Variants in TOPAZ1 observed in about 807,000 individuals in gnomAD.
TOPAZ1 encodes testis and ovary specific TOPAZ 1.
Under a neutral mutation model 172.2 loss-of-function variants are expected in TOPAZ1, and 66 were observed. That is an observed-to-expected ratio of 0.38 (90% CI 0.31 to 0.47). The LOEUF (loss-of-function observed/expected upper bound fraction) is 0.47, where lower values mean the gene tolerates loss of function less well. TOPAZ1 is among the 20% of genes least tolerant of loss of function. The pLI, the probability that TOPAZ1 is intolerant of heterozygous loss-of-function variation, is 0.99. For synonymous variants in TOPAZ1, 681 were observed against 683.9 expected (o/e 1.00, Z 0.07); for missense variants, 1,822 against 1,972.4 (o/e 0.92, Z 1.44).
chr3:44,296,232 A>G (rs1307413345), intron 12 of TOPAZ1, among the ~76,000 whole-genome samples: 1 of 152,222 alleles, frequency 6.6e-6, no homozygotes, highest in Non-Finnish European at 1.5e-5. Flanking sequence ...AAAATCCATT[A>G]CACAATATTC....
chr3:44,316,603 C>G (rs756935447), intron 16 of TOPAZ1, among the ~76,000 whole-genome samples: 2 of 151,612 alleles, frequency 1.3e-5, no homozygotes, highest in African/African-American at 4.8e-5. Context: ...TTTCTTTTGC[C>G]TACTGACATT....
downstream of TOPAZ1, among the ~76,000 whole-genome samples, chr3:44,335,351 C>A (rs1041422272): frequency 5.9e-5 from 9 of 152,038 alleles, no homozygotes; most frequent in Admixed American, 5.9e-4. Flanking sequence ...AGGGGCCAGG[C>A]ACAGTGGCTC....
chr3:44,258,915 G>T (rs1012969649), intron 4 of TOPAZ1, among the ~76,000 whole-genome samples: 1 of 152,174 alleles, frequency 6.6e-6, no homozygotes, highest in Non-Finnish European at 1.5e-5. Flanking sequence ...CTCTCCTGCG[G>T]CTGGAGTCAG....
downstream of TOPAZ1, among the ~76,000 whole-genome samples, chr3:44,334,305 C>T (rs1015880532): frequency 3.3e-5 from 5 of 152,080 alleles, no homozygotes; most frequent in African/African-American, 1.2e-4. Flanking sequence ...GTACCTTCTG[C>T]CTATTATGGT....
At chr3:44,287,601 A>G in intron 10 of TOPAZ1, 61 bp downstream of exon 10, 2 of 1,250,098 alleles carry the variant, frequency 1.6e-6, no homozygotes, top group Non-Finnish European at 2.1e-6. Context: ...TGTCATATTC[A>G]TTGTTTGAAC....
At chr3:44,292,607 T>C (rs1565215) in intron 12 of TOPAZ1, among the ~76,000 whole-genome samples, 72,549 of 151,948 alleles carry the variant, frequency 0.48, 18,198 homozygotes, top group East Asian at 0.81. Flanking sequence ...TGACAGCAGA[T>C]CCTGTTAGTA....
chr3:44,336,091 A>G (rs1700722602), downstream of TOPAZ1, among the ~76,000 whole-genome samples: 1 of 152,242 alleles, frequency 6.6e-6, no homozygotes, highest in Admixed American at 6.5e-5. Flanking sequence ...GAATACTAAT[A>G]CTGTATTTTG....
chr3:44,325,713 G>A (rs1000992736), intron 18 of TOPAZ1, among the ~76,000 whole-genome samples: 4 of 150,932 alleles, frequency 2.7e-5, no homozygotes, highest in African/African-American at 9.8e-5. Context: ...GCGCAATCTC[G>A]GCTCACTGCA....
At chr3:44,308,026 T>C (rs4682739) in intron 15 of TOPAZ1, among the ~76,000 whole-genome samples, 126,019 of 152,188 alleles carry the variant, frequency 0.83, 52,228 homozygotes, top group Middle Eastern at 0.9. Flanking sequence ...GTAATCCCAG[T>C]ACTTTGGGAG....
chr3:44,330,701 G>C (rs1431639686), intron 19 of TOPAZ1, among the ~76,000 whole-genome samples: 3 of 152,144 alleles, frequency 2.0e-5, no homozygotes, highest in African/African-American at 7.2e-5. Context: ...TGCTGGGCCT[G>C]GTAGATACCA....
At chr3:44,300,852 G>GAAAA (rs35033579) in intron 12 of TOPAZ1, among the ~76,000 whole-genome samples, 2 of 137,362 alleles carry the variant, frequency 1.5e-5, no homozygotes, top group Non-Finnish European at 1.6e-5. Flanking sequence ...CCAGAAACTG[G>GAAAA]AAAAAAAAAA....
chr3:44,268,410 A>G (rs1161257967), intron 6 of TOPAZ1, among the ~76,000 whole-genome samples: 1 of 125,048 alleles, frequency 8.0e-6, no homozygotes, highest in Non-Finnish European at 1.6e-5. Flanking sequence ...GTCTCACTCT[A>G]TAGCCCAGGC....
At chr3:44,272,978 C>G (rs1420891480) in intron 8 of TOPAZ1, among the ~76,000 whole-genome samples, 1 of 152,194 alleles carries the variant, frequency 6.6e-6, no homozygotes, top group Non-Finnish European at 1.5e-5. Context: ...TTTCTCCCAA[C>G]CTATAGGTTG....
intron 12 of TOPAZ1, among the ~76,000 whole-genome samples, chr3:44,301,530 C>T (rs1033220959): frequency 6.6e-6 from 1 of 152,180 alleles, no homozygotes; most frequent in Non-Finnish European, 1.5e-5. Context: ...AGCTTTCTAA[C>T]ATAATGTGTT....
At chr3:44,252,067 A>G (rs910922861) in intron 2 of TOPAZ1, among the ~76,000 whole-genome samples, 5 of 152,156 alleles carry the variant, frequency 3.3e-5, no homozygotes, top group Admixed American at 2.6e-4. Context: ...CTTCCTTGTA[A>G]GTTAGCTATT....
At chr3:44,282,342 A>T (rs936262801) in intron 9 of TOPAZ1, among the ~76,000 whole-genome samples, 3 of 151,934 alleles carry the variant, frequency 2.0e-5, no homozygotes, top group African/African-American at 7.3e-5. Flanking sequence ...TCAGAAGCTG[A>T]CTCTTTCCTA....
In TOPAZ1 at chr3:44,328,304, T is replaced by A. The variant is rs972093379; in HGVS notation, c.4730T>A (p.Leu1577His). Reference sequence around the variant, plus strand: ...TTGGAAGGAAATTTATACCGAAAACTTCTTCTAATTCCATCTTATTTATCT... The same window carrying A: ...TTGGAAGGAAATTTATACCGAAAACATCTTCTAATTCCATCTTATTTATCT... ...PPLEGNLYRK[L>H]LLIPSYLSEI... The change falls in exon 19 of 20, where the codon CTT becomes CAT. Residue 1577 changes from leucine (L) to histidine (H), a missense_variant. Leu to His is a moderately conservative substitution (Grantham distance 99, BLOSUM62 -3). Around this residue, in one of 2 missense-constraint regions of TOPAZ1, gnomAD observed 333 missense variants for 481.7 expected, o/e 0.69. Transcript: ENST00000309765. 4 of 1,513,006 alleles carry A rather than the reference T, an allele frequency of 2.6e-6. No individual in the cohort carries two copies. Among genetic ancestry groups the A allele is most frequent in the Admixed American group, 2.4e-5 (1 of 42,086 alleles). The allele number at this position is 1,513,006 out of a possible 1,614,324, so 93.7% of individuals were successfully genotyped here.
At chr3:44,266,273 C>T (rs1244891291) in intron 5 of TOPAZ1, among the ~76,000 whole-genome samples, 2 of 152,202 alleles carry the variant, frequency 1.3e-5, no homozygotes, top group East Asian at 3.9e-4. Context: ...CAAACTTTTT[C>T]CATTTCCGCA....
Position 44,244,835 on chromosome 3 carries a change from G to A in TOPAZ1, c.2329G>A (p.Gly777Ser). The stretch of plus-strand genomic sequence containing the variant: ...TATTTCTCCAAGCTTTACAAAGCAA[G>A]GTAACAATAGCAAACCATCTAATCA... ...YSISPSFTKQ[G>S]NNSKPSNHVS... is the part of the protein sequence containing the mutation. Residue 777 changes from glycine to serine, a missense_variant, in exon 2 of 20, where the codon GGT (glycine) becomes AGT (serine). By Grantham distance (56) the Gly-to-Ser change is moderately conservative. This residue lies in a region of TOPAZ1 where 1,489 missense variants were observed against 1,490.8 expected (regional missense o/e 1.00). Coordinates refer to ENST00000309765, the MANE Select transcript of TOPAZ1 (RefSeq NM_001145030.2). 2 of 1,551,614 alleles carry A rather than the reference G, an allele frequency of 1.3e-6. No individual in the cohort carries two copies. The highest frequency in any genetic ancestry group is 1.4e-5 in the African/African-American group (1 of 73,128).
Sources: gnomAD v4.1 joint callset for allele counts (sites outside exome capture counted in the v4.1 genomes callset) on GRCh38, gnomAD v4.1.1 for gene constraint, gnomAD v4.1.1 regional missense constraint, MANE v1.5 for transcripts, NCBI Gene and HGNC (gene_info 2026-07-23, HGNC 2026-07-21) for gene names.